TANGO2: variants seen among roughly 807,000 people sequenced by gnomAD.
TANGO2 encodes the protein transport and golgi organization 2 homolog.
In TANGO2, 26 loss-of-function variants were observed where a neutral mutation model predicts 39.1. The observed-to-expected ratio is 0.67, with a 90% CI of 0.49 to 0.92. The LOEUF is 0.92. Ranked by LOEUF, TANGO2 falls within the 40% of genes least tolerant of loss-of-function variation. The pLI is 0.00. For synonymous variants in TANGO2, 131 were observed against 144.5 expected, an observed-to-expected ratio of 0.91 and a Z score of 0.67; for missense variants, 326 against 360.1, an observed-to-expected ratio of 0.91 and a Z score of 0.77.
chr22:20,056,895 CCTCTA>C (rs1391768151), intron 6 of TANGO2: 2 of 456,660 alleles, frequency 4.4e-6, no homozygotes, highest in Admixed American at 4.7e-5. Flanking sequence ...CGCTCTGGTC[CCTCTA>C]CTCAAGCTGC....
chr22:20,039,703 A>G (rs1442512778), intron 2 of TANGO2, among the ~76,000 whole-genome samples: 6 of 151,968 alleles, frequency 3.9e-5, no homozygotes, highest in Admixed American at 1.3e-4. Context: ...TTCAGCCTAG[A>G]GTGGCTGCAG....
chr22:20,027,761 C>A (rs1351724804), intron 1 of TANGO2, among the ~76,000 whole-genome samples: 1 of 151,956 alleles, frequency 6.6e-6, no homozygotes, highest in African/African-American at 2.4e-5. Context: ...ATGCATGTCA[C>A]CATGCTCGGC....
chr22:20,028,266 T>C (rs2146825710), intron 1 of TANGO2, among the ~76,000 whole-genome samples: 2 of 152,358 alleles, frequency 1.3e-5, no homozygotes, highest in South Asian at 4.1e-4. Flanking sequence ...CATATGCCAC[T>C]GCACCTGGCT....
chr22:20,042,518 G>A (rs77937532), intron 2 of TANGO2, among the ~76,000 whole-genome samples: 26,820 of 152,002 alleles, frequency 0.18, 2,478 homozygotes, highest in Middle Eastern at 0.2. Flanking sequence ...GTAATCCTCC[G>A]CCTCGGAGGC....
rs2046354980 is a variant in TANGO2, at chr22:20,051,592, C to G, written c.146-873C>G. On this transcript the variant is annotated intron_variant, in intron 3 of 8. Transcript: ENST00000327374. ...TCCTAGCCAGTGCAGTGGCTCACTCCTGTAATCCCAGCACTTTGGGAGGCT... is the reference window on the plus strand; with the variant it reads ...TCCTAGCCAGTGCAGTGGCTCACTCGTGTAATCCCAGCACTTTGGGAGGCT... 2.0e-5 allele frequency among the ~76,000 whole-genome samples: 3 copies of G among 152,174 alleles called. No individual in the cohort carries two copies. In the South Asian group the frequency reaches 6.2e-4, roughly 32 times the overall value.
Position 20,060,240 on chromosome 22 carries a change from G to A in TANGO2, c.452-1290G>A, listed in dbSNP as rs938016551. On this transcript the variant is annotated intron_variant, in intron 6 of 8. Transcript: ENST00000327374. Reference sequence around the variant, plus strand: ...GGCGGGTGCCTGTAGTCCCAGCTACGTGGGAGGCTGAGACAGGAGAATGGC... The same window carrying A: ...GGCGGGTGCCTGTAGTCCCAGCTACATGGGAGGCTGAGACAGGAGAATGGC... Among the ~76,000 whole-genome samples, 91 of 151,654 alleles carry A rather than the reference G, an allele frequency of 6.0e-4. 1 individual carries two copies. The highest frequency in any genetic ancestry group is 2.0e-3 in the Admixed American group (31 of 15,220).
At position 20,053,491 on chromosome 22, in the gene TANGO2, A is replaced by G. The variant is rs775467764; in HGVS notation, c.320A>G (p.Lys107Arg). ...TTDVDSLSYL[K>R]KVSMEGHLYN... ...GACGTGGACAGCTTGTCCTACCTGAAGAAGGTCTCTATGGAGGGCCATCTG... is the reference window on the plus strand; with the variant it reads ...GACGTGGACAGCTTGTCCTACCTGAGGAAGGTCTCTATGGAGGGCCATCTG... Residue 107 changes from lysine to arginine, a missense_variant, in exon 5 of 9, where the codon AAG becomes AGG. Lys to Arg is a conservative substitution (Grantham distance 26). Coordinates refer to ENST00000327374, the MANE Select transcript of TANGO2 (RefSeq NM_152906.7). 8 of 1,614,022 alleles carry G rather than the reference A, an allele frequency of 5.0e-6. No homozygotes were observed. The highest frequency in any genetic ancestry group is 1.1e-5 in the South Asian group (1 of 91,088).
chr22:20,034,767 G>A (rs888980853), intron 1 of TANGO2, among the ~76,000 whole-genome samples: 2 of 152,016 alleles, frequency 1.3e-5, no homozygotes, highest in Non-Finnish European at 2.9e-5. Context: ...TGTCTCCTTC[G>A]CCCCCGAGGC....
intron 1 of TANGO2, among the ~76,000 whole-genome samples, chr22:20,025,215 C>T (rs2040502348): frequency 6.6e-6 from 1 of 150,596 alleles, no homozygotes; most frequent in African/African-American, 2.4e-5. Flanking sequence ...GCCTCAGCCT[C>T]CTGAGTAGCT....
intron 6 of TANGO2, chr22:20,061,124 G>C (rs73877129): frequency 0.052 from 8,514 of 164,456 alleles, 319 homozygotes; most frequent in East Asian, 0.089. Flanking sequence ...GATTGTGGTG[G>C]GTGCCTCCTG....
At position 20,066,121 on chromosome 22, in the gene TANGO2, T is replaced by G. The variant is rs2049165957; in HGVS notation, c.*1459T>G. The G allele has an allele frequency of 6.6e-6, 1 of 152,128 alleles. No individual in the cohort carries two copies. Among genetic ancestry groups the G allele is most frequent in the Non-Finnish European group, 1.5e-5 (1 of 68,094 alleles). 9.4% of individuals were successfully genotyped at this position (152,128 alleles called of 1,614,324 possible). Reference sequence around the variant, plus strand: ...TGTGAGAGACCCCATGCGCGTGGGATGTGGTAGATGCTGATTATGGGGCCA... The same window carrying G: ...TGTGAGAGACCCCATGCGCGTGGGAGGTGGTAGATGCTGATTATGGGGCCA... On this transcript the variant is annotated 3_prime_UTR_variant, in exon 9 of 9. Coordinates refer to ENST00000327374, the MANE Select transcript of TANGO2 (RefSeq NM_152906.7).
chr22:20,029,125 T>G (rs2041353272), intron 1 of TANGO2, among the ~76,000 whole-genome samples: 1 of 152,154 alleles, frequency 6.6e-6, no homozygotes, highest in African/African-American at 2.4e-5. Flanking sequence ...TGGAGTGAGG[T>G]TTGGGGCTTG....
At chr22:20,039,678 A>T (rs770335771) in intron 2 of TANGO2, among the ~76,000 whole-genome samples, 1 of 151,920 alleles carries the variant, frequency 6.6e-6, no homozygotes, top group Non-Finnish European at 1.5e-5. Flanking sequence ...GCCCCACGTG[A>T]TGCCACTTGC....
At chr22:20,046,353 G>A (rs577154237) in intron 3 of TANGO2, among the ~76,000 whole-genome samples, 1 of 151,950 alleles carries the variant, frequency 6.6e-6, no homozygotes, top group South Asian at 2.1e-4. Context: ...TTGCTGTGTT[G>A]CACAAGCTGG....
At chr22:20,040,204 G>C (rs538826086) in intron 2 of TANGO2, among the ~76,000 whole-genome samples, 1 of 152,194 alleles carries the variant, frequency 6.6e-6, no homozygotes, top group African/African-American at 2.4e-5. Flanking sequence ...AGCTAAACAT[G>C]ACTGCTGGAA....
At chr22:20,026,252 G>A (rs190482718) in intron 1 of TANGO2, among the ~76,000 whole-genome samples, 4 of 152,348 alleles carry the variant, frequency 2.6e-5, no homozygotes, top group African/African-American at 9.6e-5. Context: ...ACAAAAATTA[G>A]CCAGGCATGG....
intron 1 of TANGO2, among the ~76,000 whole-genome samples, chr22:20,029,404 C>T (rs971692531): frequency 5.9e-5 from 9 of 152,200 alleles, no homozygotes; most frequent in African/African-American, 2.2e-4. Flanking sequence ...CTAAGAATAA[C>T]CCATGCCAAG....
At chr22:20,045,894 C>T (rs1162273573) in intron 3 of TANGO2, among the ~76,000 whole-genome samples, 1 of 151,922 alleles carries the variant, frequency 6.6e-6, no homozygotes, top group African/African-American at 2.4e-5. Context: ...TGCCCTTGTC[C>T]CACACCTCTG....
At chr22:20,056,254 G>A in intron 6 of TANGO2, 1 of 679,510 alleles carries the variant, frequency 1.5e-6, no homozygotes, top group South Asian at 1.5e-5. Context: ...CCCTGTTCTG[G>A]GCTTCCCACC....
Sources: allele counts gnomAD v4.1 joint callset (sites outside exome capture counted in the v4.1 genomes callset), GRCh38; gene constraint gnomAD v4.1.1; transcripts MANE v1.5; gene names NCBI Gene and HGNC (gene_info 2026-07-23, HGNC 2026-07-21).